Variants in LRRC4C observed in about 807,000 individuals in gnomAD.
LRRC4C encodes the protein leucine rich repeat containing 4C.
LRRC4C carries 5 observed loss-of-function variants against 33.6 expected under a neutral mutation model. The observed-to-expected ratio is 0.15, with a 90% confidence interval of 0.08 to 0.31. LRRC4C has a LOEUF of 0.31. Ranked by LOEUF, LRRC4C falls within the 10% of genes least tolerant of loss-of-function variation. The probability of loss-of-function intolerance (pLI) is 1.00; values close to 1 mark genes in which losing one functional copy is unlikely to be tolerated. For synonymous variants in LRRC4C, 329 were observed against 302.0 expected, an observed-to-expected ratio of 1.09 and a Z score of -0.93; for missense variants, 560 against 796.7, an observed-to-expected ratio of 0.70 and a Z score of 3.58.
rs1186104045 is a variant in LRRC4C at position 41,093,466 on chromosome 11, A to AT, written c.-495-159744dup. On this transcript the variant is annotated intron_variant, in intron 1 of 6. Transcript: ENST00000528697. ...TGAACTCTTAGTATCTTTTGGCCTA[A>AT]TTTTTTTGTTATTCTTCATCTCTCC... Among the ~76,000 whole-genome samples, 4 of 152,152 alleles carry AT rather than the reference A, an allele frequency of 2.6e-5. No individual in the cohort carries two copies. In the South Asian group the frequency reaches 6.2e-4, roughly 24 times the overall value.
intron 1 of LRRC4C, among the ~76,000 whole-genome samples, chr11:41,369,140 A>G (rs1952651455): frequency 6.6e-6 from 1 of 152,212 alleles, no homozygotes; most frequent in South Asian, 2.1e-4. Flanking sequence ...AAACACAATG[A>G]ATAAGCTCTT....
At chr11:40,154,287 C>CAAAAAAAAAAAAAAAAAA (rs60017606) in intron 5 of LRRC4C, among the ~76,000 whole-genome samples, 1 of 114,204 alleles carries the variant, frequency 8.8e-6, no homozygotes, top group Non-Finnish European at 1.9e-5. Flanking sequence ...AGCTAAAAAG[C>CAAAAAAAAAAAAAAAAAA]AAAAAAAAAA....
chr11:41,078,895 T>C (rs141430853), intron 1 of LRRC4C, among the ~76,000 whole-genome samples: 1 of 152,308 alleles, frequency 6.6e-6, no homozygotes, highest in East Asian at 1.9e-4. Context: ...ACTACCTTCA[T>C]ACAAACCTCC....
intron 1 of LRRC4C, among the ~76,000 whole-genome samples, chr11:40,984,769 G>GA (rs1852867341): frequency 6.6e-6 from 1 of 151,854 alleles, no homozygotes; most frequent in African/African-American, 2.4e-5. Flanking sequence ...TTCATGGAGG[G>GA]AAGTTGGTTG....
chr11:40,638,441 A>G (rs10742545), intron 3 of LRRC4C, among the ~76,000 whole-genome samples: 116,300 of 152,140 alleles, frequency 0.76, 45,386 homozygotes, highest in African/African-American at 0.93. Flanking sequence ...AACCTTGTGC[A>G]TAAGTCTCTC....
chr11:41,050,998 G>A (rs1766793625), intron 1 of LRRC4C, among the ~76,000 whole-genome samples: 1 of 152,088 alleles, frequency 6.6e-6, no homozygotes, highest in African/African-American at 2.4e-5. Context: ...TTTCATACTG[G>A]GAGCCTGGGA....
At position 40,836,223 on chromosome 11, in the gene LRRC4C, A is replaced by T. The variant is rs1591839463; in HGVS notation, c.-407+97412T>A. On this transcript the variant is annotated intron_variant, in intron 2 of 6. Coordinates refer to ENST00000528697, the MANE Select transcript of LRRC4C (RefSeq NM_001258419.2). ...CTCTTAAATGTAGACCTCCTGTTACAGGAAGGTGTAAGAACCTATGCCATC... is the reference window on the plus strand; with the variant it reads ...CTCTTAAATGTAGACCTCCTGTTACTGGAAGGTGTAAGAACCTATGCCATC... 2.0e-5 allele frequency among the ~76,000 whole-genome samples: 3 copies of T among 152,154 alleles called. No homozygotes were observed. In the East Asian group the frequency reaches 5.8e-4, roughly 29 times the overall value.
chr11:40,425,068 C>A, intron 3 of LRRC4C, among the ~76,000 whole-genome samples: 1 of 151,904 alleles, frequency 6.6e-6, no homozygotes, highest in East Asian at 1.9e-4. Flanking sequence ...ACCTCCAGCT[C>A]ATTTCAAGGT....
chr11:40,954,242 C>A (rs1054846355), intron 1 of LRRC4C, among the ~76,000 whole-genome samples: 10 of 151,870 alleles, frequency 6.6e-5, no homozygotes, highest in Non-Finnish European at 1.3e-4. Context: ...ACACAAGAAA[C>A]AAGTGAGGGG....
At position 40,937,597 on chromosome 11, in the gene LRRC4C, GTGTATA is replaced by G. The variant is rs1418137028; in HGVS notation, c.-495-3880_-495-3875del. ...CCAATAATTCACTCTTCTTGAGTGT[GTGTATA>G]TGTGTGTGTGTGTGTGTGTGTGTGT... is the stretch of plus-strand genomic sequence containing the variant. On this transcript the variant is annotated intron_variant, in intron 1 of 6. Transcript: ENST00000528697. Among the ~76,000 whole-genome samples the G allele has an allele frequency of 6.5e-3, 896 of 137,522 alleles. 12 individuals are homozygous for G. Among genetic ancestry groups the G allele is most frequent in the African/African-American group, 0.025 (863 of 33,952 alleles). The allele number at this position is 137,522 out of a possible 152,430, so 90.2% of individuals were successfully genotyped here. A position where few individuals can be genotyped will look rare whatever the true frequency, so the allele number is the denominator to read the frequency against.
chr11:41,233,924 G>T (rs1349849129), intron 1 of LRRC4C, among the ~76,000 whole-genome samples: 1 of 151,138 alleles, frequency 6.6e-6, no homozygotes, highest in East Asian at 1.9e-4. Context: ...GACTCAAAAA[G>T]CATAACTGCA....
At chr11:40,664,819 C>T (rs1357712527) in intron 2 of LRRC4C, among the ~76,000 whole-genome samples, 5 of 151,970 alleles carry the variant, frequency 3.3e-5, no homozygotes, top group African/African-American at 1.2e-4. Context: ...TACATGTGCA[C>T]AACACGCATG....
At chr11:40,612,896 T>A (rs897784401) in intron 3 of LRRC4C, among the ~76,000 whole-genome samples, 2 of 151,920 alleles carry the variant, frequency 1.3e-5, no homozygotes, top group Admixed American at 6.6e-5. Context: ...TCTCAGTGCA[T>A]ATAAAAGTTA....
chr11:40,574,957 G>C (rs556794006), intron 3 of LRRC4C, among the ~76,000 whole-genome samples: 1 of 152,262 alleles, frequency 6.6e-6, no homozygotes, highest in East Asian at 1.9e-4. Flanking sequence ...TTGTCTAAAA[G>C]GGCGGTAAGA....
intron 3 of LRRC4C, among the ~76,000 whole-genome samples, chr11:40,512,670 G>A (rs1385884166): frequency 1.3e-5 from 2 of 152,118 alleles, no homozygotes; most frequent in Non-Finnish European, 2.9e-5. Context: ...CAGGGTTTCC[G>A]AAAAGCACAA....
chr11:40,723,770 T>C (rs1409518294), intron 2 of LRRC4C, among the ~76,000 whole-genome samples: 1 of 152,028 alleles, frequency 6.6e-6, no homozygotes, highest in East Asian at 1.9e-4. Context: ...ATATTAAGTG[T>C]GAATGCAAAT....
chr11:41,178,279 A>G (rs1456796431), intron 1 of LRRC4C, among the ~76,000 whole-genome samples: 1 of 152,232 alleles, frequency 6.6e-6, no homozygotes, highest in Non-Finnish European at 1.5e-5. Flanking sequence ...ATGCTTACCC[A>G]TAAGACAGCT....
At chr11:40,994,521 T>C (rs181767624) in intron 1 of LRRC4C, among the ~76,000 whole-genome samples, 270 of 152,232 alleles carry the variant, frequency 1.8e-3, no homozygotes, top group Middle Eastern at 3.4e-3. Flanking sequence ...AATTTAGACT[T>C]GGACCTTGCT....
intron 1 of LRRC4C, among the ~76,000 whole-genome samples, chr11:40,983,833 T>C (rs1018159042): frequency 6.6e-6 from 1 of 152,200 alleles, no homozygotes; most frequent in African/African-American, 2.4e-5. Flanking sequence ...TATTAAAAAG[T>C]CCAACTGAAA....
Sources: allele counts gnomAD v4.1 joint callset (sites outside exome capture counted in the v4.1 genomes callset), GRCh38; gene constraint gnomAD v4.1.1; transcripts MANE v1.5; gene names NCBI Gene and HGNC (gene_info 2026-07-23, HGNC 2026-07-21).